Variants in SCMH1 observed in about 807,000 individuals in gnomAD.
SCMH1 encodes Scm polycomb group protein homolog 1, also known as polycomb protein SCMH1.
A neutral mutation model predicts 70.8 loss-of-function variants in SCMH1; 37 were observed. The observed-to-expected ratio is 0.52, with a 90% CI of 0.40 to 0.69. The LOEUF is 0.69. Ranked by LOEUF, SCMH1 falls within the 30% of genes least tolerant of loss-of-function variation. SCMH1 has a pLI of 0.00. For missense variants in SCMH1, 607 were observed against 827.3 expected, an observed-to-expected ratio of 0.73 and a Z score of 3.27; for synonymous variants, 292 against 307.4, an observed-to-expected ratio of 0.95 and a Z score of 0.52.
intron 1 of SCMH1, among the ~76,000 whole-genome samples, chr1:41,215,337 G>C (rs1370796978): frequency 1.3e-5 from 2 of 152,014 alleles, no homozygotes. Context: ...TCTTTCAATG[G>C]ATCCATGTAC....
intron 8 of SCMH1, among the ~76,000 whole-genome samples, chr1:41,080,408 G>A (rs1659640890): frequency 6.6e-6 from 1 of 151,590 alleles, no homozygotes; most frequent in East Asian, 1.9e-4. Flanking sequence ...ACCAAAACAT[G>A]ACAAAGATAG....
chr1:41,189,227 G>A (rs528937778), intron 1 of SCMH1, among the ~76,000 whole-genome samples: 1 of 152,338 alleles, frequency 6.6e-6, no homozygotes, highest in South Asian at 2.1e-4. Flanking sequence ...TTGGCTCACT[G>A]CAACCTCTGC....
Position 41,046,618 on chromosome 1 carries a change from G to A in SCMH1, c.1307-20C>T. On this transcript the variant is annotated intron_variant, in intron 11 of 14. Coordinates refer to ENST00000337495, the Ensembl canonical transcript of SCMH1. ...ACACGGCTGTGGAGTGAGTAAACAG[G>A]GCCAAGCATGTCAGCCTGGCAGTGG... is the stretch of plus-strand genomic sequence containing the variant. 6.2e-7 allele frequency: 1 copy of A among 1,604,710 alleles called. No homozygotes were observed. Among genetic ancestry groups the A allele is most frequent in the Non-Finnish European group, 8.5e-7 (1 of 1,171,698 alleles).
intron 6 of SCMH1, among the ~76,000 whole-genome samples, chr1:41,139,760 A>G (rs962803638): frequency 3.9e-5 from 6 of 152,216 alleles, no homozygotes; most frequent in African/African-American, 1.4e-4. Context: ...AAACTATAGG[A>G]TTAAAAAGAA....
At chr1:41,167,063 A>G (rs553144634) in intron 2 of SCMH1, among the ~76,000 whole-genome samples, 2 of 152,076 alleles carry the variant, frequency 1.3e-5, no homozygotes, top group African/African-American at 2.4e-5. Flanking sequence ...AGGATGTTGA[A>G]TTTTGTCAAA....
At chr1:41,210,523 GA>G (rs1242817223) in intron 1 of SCMH1, among the ~76,000 whole-genome samples, 1 of 152,018 alleles carries the variant, frequency 6.6e-6, no homozygotes, top group Admixed American at 6.5e-5. Flanking sequence ...TAGACCAATG[GA>G]ACAGAACAGA....
chr1:41,144,157 T>C (rs1449901746), intron 5 of SCMH1, among the ~76,000 whole-genome samples: 1 of 152,216 alleles, frequency 6.6e-6, no homozygotes, highest in Non-Finnish European at 1.5e-5. Flanking sequence ...CAATGATTTT[T>C]AGAATATTCT....
At chr1:41,239,087 T>C (rs1388409170) in intron 1 of SCMH1, among the ~76,000 whole-genome samples, 5 of 151,936 alleles carry the variant, frequency 3.3e-5, no homozygotes, top group Admixed American at 6.6e-5. Flanking sequence ...CCATGTCTGA[T>C]AGACACCTTC....
At chr1:41,193,970 T>A (rs892935543) in intron 1 of SCMH1, among the ~76,000 whole-genome samples, 2 of 152,226 alleles carry the variant, frequency 1.3e-5, no homozygotes, top group Non-Finnish European at 2.9e-5. Flanking sequence ...GCATACTACA[T>A]GTCTACTAAA....
chr1:41,103,363 A>G (rs1667097182), intron 8 of SCMH1, among the ~76,000 whole-genome samples: 1 of 152,080 alleles, frequency 6.6e-6, no homozygotes, highest in Admixed American at 6.5e-5. Context: ...GCTGGTCTCA[A>G]ACTCCTGACC....
intron 6 of SCMH1, among the ~76,000 whole-genome samples, chr1:41,128,945 G>A (rs1373766901): frequency 2.0e-5 from 3 of 151,866 alleles, no homozygotes; most frequent in Admixed American, 2.0e-4. Context: ...GATCCATTCA[G>A]TTTATTCTTC....
intron 1 of SCMH1, among the ~76,000 whole-genome samples, chr1:41,196,345 A>G (rs1653011446): frequency 6.6e-6 from 1 of 152,134 alleles, no homozygotes; most frequent in Non-Finnish European, 1.5e-5. Context: ...TCAAAATAGT[A>G]CAGTATTGGC....
chr1:41,123,436 G>A (rs1056052121), intron 6 of SCMH1, among the ~76,000 whole-genome samples: 20 of 152,166 alleles, frequency 1.3e-4, no homozygotes, highest in African/African-American at 4.3e-4. Flanking sequence ...CTTGACTAGG[G>A]GCCTCATTAA....
chr1:41,126,292 A>G (rs186939367), intron 6 of SCMH1, among the ~76,000 whole-genome samples: 1 of 152,262 alleles, frequency 6.6e-6, no homozygotes, highest in African/African-American at 2.4e-5. Flanking sequence ...TTTTATTTGA[A>G]TTAATAGTTT....
At chr1:41,092,055 G>A (rs955603964) in intron 8 of SCMH1, among the ~76,000 whole-genome samples, 5 of 152,098 alleles carry the variant, frequency 3.3e-5, no homozygotes, top group African/African-American at 9.7e-5. Context: ...AAAAGAGCCC[G>A]CATTGCCAAG....
At chr1:41,071,522 A>AT (rs1192343100) in intron 9 of SCMH1, among the ~76,000 whole-genome samples, 3 of 152,156 alleles carry the variant, frequency 2.0e-5, no homozygotes, top group Non-Finnish European at 4.4e-5. Flanking sequence ...GTGTAAATAA[A>AT]TTTTTTTAAT....
At chr1:41,066,708 G>T (rs772857603) in intron 10 of SCMH1, among the ~76,000 whole-genome samples, 10 of 151,916 alleles carry the variant, frequency 6.6e-5, no homozygotes, top group Non-Finnish European at 1.0e-4. Flanking sequence ...TCAGCCTCCC[G>T]AGTAGCTGGG....
chr1:41,079,439 G>A (rs1358591751), intron 8 of SCMH1, among the ~76,000 whole-genome samples: 2 of 151,984 alleles, frequency 1.3e-5, no homozygotes, highest in Admixed American at 6.6e-5. Context: ...GAAGAGAAAA[G>A]CAAACAGATG....
In SCMH1 at chr1:41,205,406, G is replaced by T. The variant is rs185533073; in HGVS notation, c.-117-19156C>A. 4.6e-5 allele frequency among the ~76,000 whole-genome samples: 7 copies of T among 152,322 alleles called. No homozygotes were observed. The East Asian group carries it at 1.2e-3, about 25-fold the overall frequency. On this transcript the variant is annotated intron_variant, in intron 1 of 14. Coordinates refer to ENST00000337495, the Ensembl canonical transcript of SCMH1. Reference sequence around the variant, plus strand: ...GGAGATTCTCTCCTGTGCCTGGCTCGGCAGGTCCCATGCCCATGGAGCCTT... The same window carrying T: ...GGAGATTCTCTCCTGTGCCTGGCTCTGCAGGTCCCATGCCCATGGAGCCTT...
Sources: allele counts gnomAD v4.1 joint callset (sites outside exome capture counted in the v4.1 genomes callset), GRCh38; gene constraint gnomAD v4.1.1; transcripts MANE v1.5; gene names NCBI Gene and HGNC (gene_info 2026-07-23, HGNC 2026-07-21).